OXR1: variants seen among roughly 807,000 people sequenced by gnomAD.
OXR1 encodes the protein oxidation resistance 1.
A neutral mutation model predicts 104.6 loss-of-function variants in OXR1; 41 were observed. The observed-to-expected ratio is 0.39, with a 90% confidence interval of 0.31 to 0.51. The LOEUF (loss-of-function observed/expected upper bound fraction) is 0.51. Among genes scored for constraint, OXR1 ranks in the 20% least tolerant of loss-of-function variants. OXR1 has a pLI of 0.77. For missense variants in OXR1, 955 were observed against 1,031.9 expected, an observed-to-expected ratio of 0.93 and a Z score of 1.02; for synonymous variants, 348 against 348.4, an observed-to-expected ratio of 1.00 and a Z score of 0.01.
intron 3 of OXR1, among the ~76,000 whole-genome samples, chr8:106,612,412 G>T (rs984227843): frequency 6.6e-6 from 1 of 152,008 alleles, no homozygotes; most frequent in Admixed American, 6.6e-5. Flanking sequence ...TTTTGGGGGG[G>T]TATAATAACC....
intron 3 of OXR1, among the ~76,000 whole-genome samples, chr8:106,523,547 T>A (rs1386680583): frequency 6.6e-6 from 1 of 152,160 alleles, no homozygotes; most frequent in African/African-American, 2.4e-5. Context: ...AATACAATAT[T>A]CTATTTCATT....
intron 1 of OXR1, among the ~76,000 whole-genome samples, chr8:106,284,701 G>A (rs1812420818): frequency 6.6e-6 from 1 of 152,058 alleles, no homozygotes; most frequent in South Asian, 2.1e-4. Context: ...TTTCTCTGAG[G>A]TTCTGAGGGG....
chr8:106,486,605 A>G (rs927387552), intron 2 of OXR1, among the ~76,000 whole-genome samples: 1 of 152,152 alleles, frequency 6.6e-6, no homozygotes, highest in African/African-American at 2.4e-5. Context: ...TTACATAAGT[A>G]GTAAAATTTG....
intron 3 of OXR1, among the ~76,000 whole-genome samples, chr8:106,533,531 C>A (rs1814243780): frequency 6.6e-6 from 1 of 152,092 alleles, no homozygotes; most frequent in South Asian, 2.1e-4. Flanking sequence ...ACTTAGGATT[C>A]ATTCTGTTTA....
intron 3 of OXR1, among the ~76,000 whole-genome samples, chr8:106,637,886 T>G (rs1403124652): frequency 2.6e-5 from 4 of 151,458 alleles, no homozygotes; most frequent in Admixed American, 2.6e-4. Context: ...CTCAGCCTCC[T>G]GAGTAGCTGG....
At chr8:106,391,321 G>T (rs1817579414) in intron 2 of OXR1, among the ~76,000 whole-genome samples, 1 of 152,190 alleles carries the variant, frequency 6.6e-6, no homozygotes, top group South Asian at 2.1e-4. Context: ...ATTCAGCCAG[G>T]GTTAATATCC....
intron 2 of OXR1, among the ~76,000 whole-genome samples, chr8:106,432,150 C>T (rs1003445939): frequency 1.3e-5 from 2 of 152,148 alleles, no homozygotes; most frequent in Admixed American, 6.6e-5. Context: ...AGTGCATCCC[C>T]GATCTTTTCT....
At chr8:106,748,285 CAG>C (rs940737954) in intron 16 of OXR1, among the ~76,000 whole-genome samples, 3 of 152,214 alleles carry the variant, frequency 2.0e-5, no homozygotes, top group African/African-American at 4.8e-5. Context: ...CCTCATGGGA[CAG>C]GGGGCATTTT....
chr8:106,717,810 C>G (rs948822565), intron 11 of OXR1, among the ~76,000 whole-genome samples: 4 of 116,202 alleles, frequency 3.4e-5, no homozygotes, highest in African/African-American at 1.5e-4. Flanking sequence ...GTTCTTACAT[C>G]AGTTGTAGTA....
intron 2 of OXR1, among the ~76,000 whole-genome samples, chr8:106,511,968 C>T (rs1586741422): frequency 6.6e-6 from 1 of 152,228 alleles, no homozygotes; most frequent in East Asian, 1.9e-4. Flanking sequence ...TGAAATATTG[C>T]GTGTATAACA....
intron 1 of OXR1, among the ~76,000 whole-genome samples, chr8:106,347,627 A>T (rs1815553989): frequency 6.6e-6 from 1 of 152,232 alleles, no homozygotes; most frequent in Non-Finnish European, 1.5e-5. Context: ...ATTGTTCTTG[A>T]GGAATTAGTA....
chr8:106,412,276 T>C (rs773089706), intron 2 of OXR1, among the ~76,000 whole-genome samples: 23 of 152,136 alleles, frequency 1.5e-4, no homozygotes, highest in Non-Finnish European at 2.6e-4. Context: ...TTGTATTCAG[T>C]AGCACAAAAA....
At chr8:106,401,773 T>C (rs1818012194) in intron 2 of OXR1, among the ~76,000 whole-genome samples, 1 of 152,210 alleles carries the variant, frequency 6.6e-6, no homozygotes, top group African/African-American at 2.4e-5. Context: ...TTGTCAGTTT[T>C]ATTTCCCACC....
At chr8:106,737,466 T>TTTTTG in intron 11 of OXR1, 54 bp from the exon 12 acceptor site, 1 of 382,640 alleles carries the variant, frequency 2.6e-6, no homozygotes, top group Non-Finnish European at 4.6e-6. Flanking sequence ...TTTTTTTTTT[T>TTTTTG]GCTGTTTTTC....
At chr8:106,639,517 C>CT (rs368377202) in intron 3 of OXR1, among the ~76,000 whole-genome samples, 2 of 152,256 alleles carry the variant, frequency 1.3e-5, no homozygotes, top group African/African-American at 2.4e-5. Context: ...CTGATATTAC[C>CT]TTTTTGGTAA....
intron 1 of OXR1, among the ~76,000 whole-genome samples, chr8:106,346,326 C>CT (rs970501136): frequency 3.2e-4 from 48 of 152,214 alleles, no homozygotes; most frequent in African/African-American, 1.2e-3. Flanking sequence ...TTGTGTAAAT[C>CT]TGAACAGCCG....
At chr8:106,569,498 A>G (rs1011915407) in intron 3 of OXR1, among the ~76,000 whole-genome samples, 3 of 152,218 alleles carry the variant, frequency 2.0e-5, no homozygotes, top group African/African-American at 7.2e-5. Flanking sequence ...TAAGTGTTGA[A>G]CGGCAAGAAC....
In OXR1 at chr8:106,747,902, C is replaced by T. The variant is rs571715462; in HGVS notation, c.2486+2040C>T. Among the ~76,000 whole-genome samples the T allele has an allele frequency of 2.6e-5, 4 of 152,320 alleles. No individual in the cohort carries two copies. In the East Asian group the frequency reaches 7.7e-4, roughly 29 times the overall value. ...CTTGAAGGTCAATTTTGAGGTACTACTTAGATGCAGTCATCTGAGATTACA... is the reference window on the plus strand; with the variant it reads ...CTTGAAGGTCAATTTTGAGGTACTATTTAGATGCAGTCATCTGAGATTACA... On this transcript the variant is annotated intron_variant, in intron 16 of 16. Transcript: ENST00000517566.
intron 11 of OXR1, among the ~76,000 whole-genome samples, chr8:106,730,162 A>G (rs1465539006): frequency 6.6e-6 from 1 of 152,170 alleles, no homozygotes; most frequent in African/African-American, 2.4e-5. Context: ...TCTTTTCCCC[A>G]AAACACAGTT....
Sources: gnomAD v4.1 joint callset for allele counts (sites outside exome capture counted in the v4.1 genomes callset) on GRCh38, gnomAD v4.1.1 for gene constraint, MANE v1.5 for transcripts, NCBI Gene and HGNC (gene_info 2026-07-23, HGNC 2026-07-21) for gene names.